Variants in FSTL5 observed in about 807,000 individuals in gnomAD.
The protein encoded by FSTL5 is follistatin like 5, also known as follistatin-related protein 5.
In FSTL5, 62 loss-of-function variants were observed where a neutral mutation model predicts 89.1. That is an observed-to-expected ratio of 0.70 (90% confidence interval 0.57 to 0.86). The LOEUF (loss-of-function observed/expected upper bound fraction) is 0.86, where lower values mean the gene tolerates loss of function less well. Ranked by LOEUF, FSTL5 falls within the 40% of genes least tolerant of loss-of-function variation. The probability of loss-of-function intolerance (pLI) is 0.00; values close to 1 mark genes in which losing one functional copy is unlikely to be tolerated. For synonymous variants in FSTL5, 383 were observed against 346.2 expected (o/e 1.11, Z -1.18); for missense variants, 1,057 against 1,001.6 (o/e 1.06, Z -0.75).
chr4:162,100,116 G>A (rs565935024), intron 2 of FSTL5, among the ~76,000 whole-genome samples: 2 of 152,298 alleles, frequency 1.3e-5, no homozygotes, highest in South Asian at 2.1e-4. Flanking sequence ...AAATCTGCAT[G>A]GGGATGTTTA....
intron 4 of FSTL5, among the ~76,000 whole-genome samples, chr4:161,804,977 T>G (rs1003456947): frequency 6.6e-6 from 1 of 152,046 alleles, no homozygotes; most frequent in African/African-American, 2.4e-5. Context: ...ATACATGCTC[T>G]TTTGAGGCAA....
chr4:161,920,379 C>A (rs1183163248), intron 4 of FSTL5, 25 bp downstream of exon 4: 1 of 1,604,266 alleles, frequency 6.2e-7, no homozygotes, highest in Admixed American at 1.7e-5. Context: ...AGTGGGGTGA[C>A]ACTTAAGGTT....
chr4:162,089,636 AAAAAAAAAAAAAAAG>A (rs1400880840), intron 2 of FSTL5, among the ~76,000 whole-genome samples: 4 of 102,524 alleles, frequency 3.9e-5, no homozygotes, highest in African/African-American at 6.1e-5. Context: ...CTGTCTCAAA[AAAAAAAAAAAAAAAG>A]AAAAAAAAGA....
intron 4 of FSTL5, among the ~76,000 whole-genome samples, chr4:161,853,275 G>T (rs1731614831): frequency 6.6e-6 from 1 of 151,960 alleles, no homozygotes; most frequent in Non-Finnish European, 1.5e-5. Flanking sequence ...TGTTGTTGTT[G>T]TTGTTGTTTT....
chr4:161,535,001 C>G (rs937266513), intron 10 of FSTL5, among the ~76,000 whole-genome samples: 1 of 151,892 alleles, frequency 6.6e-6, no homozygotes, highest in Non-Finnish European at 1.5e-5. Flanking sequence ...AATCATCTTG[C>G]GATAACTGGC....
intron 15 of FSTL5, among the ~76,000 whole-genome samples, chr4:161,452,829 T>G (rs1390889374): frequency 6.6e-6 from 1 of 152,198 alleles, no homozygotes; most frequent in Admixed American, 6.5e-5. Flanking sequence ...TCACTGCACA[T>G]TCCTCAAAGG....
chr4:162,090,264 G>A (rs74806238), intron 2 of FSTL5, among the ~76,000 whole-genome samples: 8,570 of 152,108 alleles, frequency 0.056, 325 homozygotes, highest in Non-Finnish European at 0.086. Flanking sequence ...AAATGGGGTT[G>A]TTTTTCTGCA....
chr4:162,100,961 T>A (rs1730974742), intron 2 of FSTL5, among the ~76,000 whole-genome samples: 1 of 152,200 alleles, frequency 6.6e-6, no homozygotes, highest in Admixed American at 6.5e-5. Flanking sequence ...AAAGAGATAC[T>A]TATTGTTGGG....
chr4:162,140,228 T>A (rs1021539037), intron 1 of FSTL5, among the ~76,000 whole-genome samples: 30 of 152,248 alleles, frequency 2.0e-4, no homozygotes, highest in African/African-American at 6.7e-4. Flanking sequence ...CCATGTCTAG[T>A]AAGGTTGAAC....
At chr4:161,437,175 A>G (rs1732585298) in intron 15 of FSTL5, among the ~76,000 whole-genome samples, 1 of 152,116 alleles carries the variant, frequency 6.6e-6, no homozygotes, top group Admixed American at 6.6e-5. Flanking sequence ...AGAGCCTGGC[A>G]TGGTAGAGGC....
intron 15 of FSTL5, among the ~76,000 whole-genome samples, chr4:161,411,844 G>A (rs528943654): frequency 2.2e-4 from 34 of 152,192 alleles, no homozygotes; most frequent in African/African-American, 7.5e-4. Context: ...AGAGCAATCA[G>A]GCAAGAGAAA....
intron 1 of FSTL5, among the ~76,000 whole-genome samples, chr4:162,126,282 T>G (rs1732077131): frequency 6.6e-6 from 1 of 152,052 alleles, no homozygotes; most frequent in African/African-American, 2.4e-5. Flanking sequence ...TTAAAATTTT[T>G]GACTAGCCCT....
At chr4:161,950,214 G>C (rs568688692) in intron 3 of FSTL5, among the ~76,000 whole-genome samples, 2 of 152,080 alleles carry the variant, frequency 1.3e-5, no homozygotes, top group East Asian at 1.9e-4. Context: ...GTTACTCAAA[G>C]AATTTCTTTT....
intron 4 of FSTL5, among the ~76,000 whole-genome samples, chr4:161,849,577 C>A (rs1035955707): frequency 2.7e-4 from 41 of 151,306 alleles, no homozygotes; most frequent in African/African-American, 9.7e-4. Flanking sequence ...TTCTCAAATT[C>A]TATTGGATAT....
chr4:161,595,883 G>A (rs1267074876), intron 7 of FSTL5, among the ~76,000 whole-genome samples: 1 of 151,392 alleles, frequency 6.6e-6, no homozygotes, highest in Non-Finnish European at 1.5e-5. Flanking sequence ...GTTCTAAATT[G>A]TATGGTACCA....
At position 161,897,308 on chromosome 4, in the gene FSTL5, A is replaced by G. The variant is rs570805694; in HGVS notation, c.409+23096T>C. Among the ~76,000 whole-genome samples, 116 of 151,916 alleles carry G rather than the reference A, an allele frequency of 7.6e-4. 5 individuals are homozygous for G. In the South Asian group the frequency reaches 0.024, roughly 31 times the overall value. On this transcript the variant is annotated intron_variant, in intron 4 of 15. Transcript: ENST00000306100. ...AATGGTATGTATATTTTTGAAAGTA[A>G]TTCATCACTATTTTTATACCTTTCT...
chr4:162,102,413 G>A (rs1174560185), intron 2 of FSTL5, among the ~76,000 whole-genome samples: 3 of 150,972 alleles, frequency 2.0e-5, no homozygotes, highest in Admixed American at 1.3e-4. Context: ...AAAGTCAAAC[G>A]TGTATAGTAT....
rs1736515166 is a variant in FSTL5 at position 161,656,340 on chromosome 4, C to G, written c.882G>C (p.Leu294Phe). 2 of 1,567,670 alleles carry G rather than the reference C, an allele frequency of 1.3e-6. No individual in the cohort carries two copies. The highest frequency in any genetic ancestry group is 1.7e-6 in the Non-Finnish European group (2 of 1,149,422). The change falls in exon 7 of 16, where the codon TTG becomes TTC. Residue 294 changes from leucine (L) to phenylalanine (F), a missense_variant. Physicochemically the swap from Leu to Phe is conservative, Grantham distance 22. This residue lies in a region of FSTL5 where 980 missense variants were observed against 903.2 expected (regional missense o/e 1.08). Transcript: ENST00000306100. ...TTTATGTACTCACATTGATGTCTTC[C>G]AAATCTAAATTATTTAGAATAATAT... The part of the protein sequence containing the change: ...RNNIILNNLD[L>F]EDINDFGDDG...
chr4:161,433,679 C>T (rs1394578869), intron 15 of FSTL5, among the ~76,000 whole-genome samples: 1 of 151,992 alleles, frequency 6.6e-6, no homozygotes, highest in African/African-American at 2.4e-5. Flanking sequence ...CCACAGCAAA[C>T]TATTAGAAAT....
Sources: gnomAD v4.1 joint callset for allele counts (sites outside exome capture counted in the v4.1 genomes callset) on GRCh38, gnomAD v4.1.1 for gene constraint, gnomAD v4.1.1 regional missense constraint, MANE v1.5 for transcripts, NCBI Gene and HGNC (gene_info 2026-07-23, HGNC 2026-07-21) for gene names.